Variants in MELK observed in about 807,000 individuals in gnomAD.
The protein encoded by MELK is maternal embryonic leucine zipper kinase.
A neutral mutation model predicts 85.0 loss-of-function variants in MELK; 81 were observed. That is an observed-to-expected ratio of 0.95 (90% CI 0.80 to 1.15). The LOEUF is 1.15. Ranked by LOEUF, MELK falls within the 50% of genes most tolerant of loss-of-function variation. The pLI, the probability that MELK is intolerant of heterozygous loss-of-function variation, is 0.00. For missense variants in MELK, 754 were observed against 777.5 expected, an observed-to-expected ratio of 0.97 and a Z score of 0.36; for synonymous variants, 252 against 265.0, an observed-to-expected ratio of 0.95 and a Z score of 0.48.
intron 11 of MELK, among the ~76,000 whole-genome samples, chr9:36,643,944 A>G (rs938764607): frequency 1.1e-4 from 17 of 151,912 alleles, no homozygotes; most frequent in Non-Finnish European, 2.2e-4. Context: ...AAAAAAAAAA[A>G]AAAAAGAAAA....
intron 3 of MELK, among the ~76,000 whole-genome samples, chr9:36,587,859 C>CA (rs1354224274): frequency 6.6e-6 from 1 of 151,578 alleles, no homozygotes; most frequent in Admixed American, 6.6e-5. Context: ...CTCCCAGGTT[C>CA]AAGTGATTCT....
intron 14 of MELK, among the ~76,000 whole-genome samples, chr9:36,669,093 A>G (rs1832650058): frequency 6.6e-6 from 1 of 152,112 alleles, no homozygotes; most frequent in African/African-American, 2.4e-5. Flanking sequence ...AAGAAAAAAA[A>G]GAAGAGCCAC....
At chr9:36,606,687 A>G (rs925038972) in intron 7 of MELK, 14 of 147,940 alleles carry the variant, frequency 9.5e-5, no homozygotes, top group African/African-American at 3.2e-4. Flanking sequence ...ATATATGTAT[A>G]CATGTATGCA....
chr9:36,624,071 G>A (rs923254844), intron 8 of MELK, among the ~76,000 whole-genome samples: 3 of 149,282 alleles, frequency 2.0e-5, no homozygotes, highest in Non-Finnish European at 4.4e-5. Context: ...AGTAGGTATC[G>A]TTATTATACT....
intron 11 of MELK, among the ~76,000 whole-genome samples, chr9:36,650,659 C>T (rs10120126): frequency 0.77 from 117,738 of 152,144 alleles, 47,990 homozygotes; most frequent in Non-Finnish European, 0.9. Flanking sequence ...CATGCATGCG[C>T]CCTCAGGAAG....
rs952351092 is a variant in MELK at position 36,643,661 on chromosome 9, A to G, written c.921+578A>G. The stretch of plus-strand genomic sequence containing the variant: ...ATAATTAAGAAACAACTGGCCGGGC[A>G]CGGTGGCTCACGCCTGTAATCCCAG... On this transcript the variant is annotated intron_variant, in intron 11 of 17. Transcript: ENST00000298048. Among the ~76,000 whole-genome samples, 9 of 152,096 alleles carry G rather than the reference A, an allele frequency of 5.9e-5. No homozygotes were observed. The South Asian group carries it at 1.0e-3, about 18-fold the overall frequency.
intron 6 of MELK, among the ~76,000 whole-genome samples, chr9:36,598,180 A>C (rs1183400585): frequency 6.6e-6 from 1 of 151,234 alleles, no homozygotes; most frequent in African/African-American, 2.4e-5. Context: ...AAATGCTAGA[A>C]GGCAGGTTTT....
In MELK at chr9:36,596,567, TTTTTG is replaced by T. The variant is rs1331387654; in HGVS notation, c.406-650_406-646del. On this transcript the variant is annotated intron_variant, in intron 5 of 17. Coordinates refer to ENST00000298048, the MANE Select transcript of MELK (RefSeq NM_014791.4). ...CCACTGCGCCCGGCCCTTTTTGTTT[TTTTTG>T]TTTTTTTTGTTTTTTTTGTTTTTTT... Among the ~76,000 whole-genome samples, 490 of 98,002 alleles carry T rather than the reference TTTTTG, an allele frequency of 5.0e-3. 17 individuals are homozygous for T. Among genetic ancestry groups the T allele is most frequent in the African/African-American group, 0.032 (469 of 14,536 alleles). 64.3% of individuals were successfully genotyped at this position (98,002 alleles called of 152,430 possible).
At chr9:36,600,485 G>A (rs1042450679) in intron 7 of MELK, among the ~76,000 whole-genome samples, 3 of 152,102 alleles carry the variant, frequency 2.0e-5, no homozygotes, top group Non-Finnish European at 4.4e-5. Flanking sequence ...CTGGGTTCAC[G>A]CCATTCTCCT....
At position 36,665,571 on chromosome 9, in the gene MELK, A is replaced by T. The variant is rs2137843111; in HGVS notation, c.1398A>T (p.Thr466=). Residue 466 remains threonine, a synonymous_variant, in exon 14 of 18, where the codon ACA becomes ACT. Coordinates refer to ENST00000298048, the MANE Select transcript of MELK (RefSeq NM_014791.4). ...EILTTPNRYT[T]PSKARNQCLK... ...TCACTACGCCAAATCGTTACACTAC[A>T]CCCTCAAAAGGTATTTGCTAAGTGA... The T allele has an allele frequency of 6.2e-7, 1 of 1,609,414 alleles. No individual in the cohort carries two copies. Among genetic ancestry groups the T allele is most frequent in the East Asian group, 2.2e-5 (1 of 44,786 alleles).
intron 1 of MELK, among the ~76,000 whole-genome samples, chr9:36,580,466 C>A (rs988819171): frequency 6.6e-5 from 10 of 150,670 alleles, no homozygotes; most frequent in Non-Finnish European, 1.3e-4. Flanking sequence ...ATTACAGGCT[C>A]CTGCCACCAT....
intron 8 of MELK, among the ~76,000 whole-genome samples, chr9:36,610,822 T>A (rs558134471): frequency 9.8e-5 from 15 of 152,336 alleles, no homozygotes; most frequent in African/African-American, 3.6e-4. Flanking sequence ...GTTATACTTT[T>A]ACAAAATATT....
chr9:36,634,187 A>C (rs945790351), intron 10 of MELK, among the ~76,000 whole-genome samples: 1 of 152,254 alleles, frequency 6.6e-6, no homozygotes. Flanking sequence ...TCAGTAGAAA[A>C]GTCTTTAACT....
At chr9:36,666,466 T>C (rs559555407) in intron 14 of MELK, among the ~76,000 whole-genome samples, 80 of 152,344 alleles carry the variant, frequency 5.3e-4, no homozygotes, top group Middle Eastern at 3.4e-3. Flanking sequence ...ATGTAATGAA[T>C]TAATAAATTA....
chr9:36,654,349 C>CTTTTTTTTTTTTTTT (rs34436735), intron 12 of MELK, among the ~76,000 whole-genome samples: 2 of 84,126 alleles, frequency 2.4e-5, no homozygotes, highest in Non-Finnish European at 4.3e-5. Context: ...ATTGGATTGT[C>CTTTTTTTTTTTTTTT]TTTTTTTTTT....
At chr9:36,660,700 A>G (rs979972772) in intron 13 of MELK, among the ~76,000 whole-genome samples, 2 of 149,346 alleles carry the variant, frequency 1.3e-5, no homozygotes, top group African/African-American at 2.4e-5. Flanking sequence ...TCAAATAAAG[A>G]CAGCTTTCAG....
rs1832259031 is a variant in MELK at position 36,665,545 on chromosome 9, C to T, written c.1372C>T (p.Leu458Phe). ...TAAGAACCAGCATAAGAGAGAAATACTCACTACGCCAAATCGTTACACTAC... is the reference window on the plus strand; with the variant it reads ...TAAGAACCAGCATAAGAGAGAAATATTCACTACGCCAAATCGTTACACTAC... ...VNKNQHKREI[L>F]TTPNRYTTPS... The change falls in exon 14 of 18, where the codon CTC becomes TTC. Residue 458 changes from leucine (L) to phenylalanine (F), a missense_variant. Transcript: ENST00000298048. 1.2e-6 allele frequency: 2 copies of T among 1,613,482 alleles called. No individual in the cohort carries two copies. The highest frequency in any genetic ancestry group is 1.1e-5 in the South Asian group (1 of 91,038).
At chr9:36,587,911 G>A (rs1020969968) in intron 3 of MELK, among the ~76,000 whole-genome samples, 4 of 151,822 alleles carry the variant, frequency 2.6e-5, no homozygotes, top group Middle Eastern at 3.4e-3. Context: ...ACAGGCACCC[G>A]CCACCATGCC....
chr9:36,628,511 C>T (rs991363255), intron 8 of MELK, among the ~76,000 whole-genome samples: 9 of 152,096 alleles, frequency 5.9e-5, no homozygotes, highest in Non-Finnish European at 1.2e-4. Context: ...CCTCCACCTC[C>T]CGGATTCAAG....
Sources: allele counts gnomAD v4.1 joint callset (sites outside exome capture counted in the v4.1 genomes callset), GRCh38; gene constraint gnomAD v4.1.1; transcripts MANE v1.5; gene names NCBI Gene and HGNC (gene_info 2026-07-23, HGNC 2026-07-21).